LAMC3: variants seen among roughly 807,000 people sequenced by gnomAD.
LAMC3 encodes the protein laminin subunit gamma-3.
Under a neutral mutation model 173.8 loss-of-function variants are expected in LAMC3, and 128 were observed. The observed-to-expected ratio is 0.74, with a 90% CI of 0.64 to 0.85. The LOEUF (loss-of-function observed/expected upper bound fraction) is 0.85, where lower values mean the gene tolerates loss of function less well. Among genes scored for constraint, LAMC3 ranks in the 40% least tolerant of loss-of-function variants. The pLI is 0.00. For missense variants in LAMC3, 2,022 were observed against 2,156.0 expected (o/e 0.94, Z 1.23); for synonymous variants, 897 against 909.1 (o/e 0.99, Z 0.24).
In LAMC3 at chr9:131,085,665, C is replaced by T; in HGVS notation, c.4172C>T (p.Ser1391Phe). 1 of 1,614,186 alleles carries T rather than the reference C, an allele frequency of 6.2e-7. No homozygotes were observed. Among genetic ancestry groups the T allele is most frequent in the South Asian group, 1.1e-5 (1 of 91,080 alleles). ...ATGCTGGGAAACGCGGCCCCTCTTT[C>T]CTCCAGTGCCAAGAAGAAGGGCAGA... ...ERMLGNAAPL[S>F]SSAKKKGREA... The change falls in exon 25 of 28, where the codon TCC becomes TTC. Residue 1391 changes from serine (S) to phenylalanine (F), a missense_variant. Coordinates refer to ENST00000361069, the MANE Select transcript of LAMC3 (RefSeq NM_006059.4).
intron 22 of LAMC3, among the ~76,000 whole-genome samples, chr9:131,077,911 T>C (rs1264196550): frequency 6.6e-6 from 1 of 152,104 alleles, no homozygotes; most frequent in Non-Finnish European, 1.5e-5. Flanking sequence ...ACATTAGCAG[T>C]GTCATCAGAT....
At chr9:131,052,790 C>T (rs77304377) in intron 10 of LAMC3, 60 bp from the exon 11 acceptor site, 2 of 1,297,798 alleles carry the variant, frequency 1.5e-6, no homozygotes, top group South Asian at 2.4e-5. Context: ...CCCCCCATCC[C>T]CAGGCATGGT....
rs371247790 is a variant in LAMC3 at position 131,032,109 on chromosome 9, T to C, written c.743T>C (p.Ile248Thr). 1.9e-6 allele frequency: 3 copies of C among 1,613,786 alleles called. No individual in the cohort carries two copies. Among genetic ancestry groups the C allele is most frequent in the African/African-American group, 2.7e-5 (2 of 74,832 alleles). ...LDRLNTFGDD[I>T]FKDPKVLQSY... ...CGGCTCAACACGTTTGGGGACGACA[T>C]CTTCAAGGACCCCAAGGTGCTCCAG... The change falls in exon 3 of 28, where the codon ATC becomes ACC. Residue 248 changes from isoleucine (I) to threonine (T), a missense_variant. Physicochemically the swap from Ile to Thr is moderately conservative, Grantham distance 89. Coordinates refer to ENST00000361069, the MANE Select transcript of LAMC3 (RefSeq NM_006059.4).
rs1439284027 is a variant in LAMC3, at chr9:131,009,276, GC to G, written c.63del (p.Met22TrpfsTer103). 2.9e-6 allele frequency: 4 copies of G among 1,369,460 alleles called. No homozygotes were observed. Among genetic ancestry groups the G allele is most frequent in the Non-Finnish European group, 3.8e-6 (4 of 1,066,298 alleles). The allele number at this position is 1,369,460 out of a possible 1,614,324, so 84.8% of individuals were successfully genotyped here. On this transcript the variant is annotated frameshift_variant, in exon 1 of 28. Transcript: ENST00000361069. LOFTEE classifies it high-confidence loss of function. The surrounding 1 kb of genome is among the most constrained non-coding windows in gnomAD (Gnocchi z 4.3). ...ALLAPRAAGA[G>X]MGACYDGAGR... The stretch of plus-strand genomic sequence containing the variant: ...CTGGCACCGCGGGCGGCCGGCGCGG[GC>G]ATGGGCGCGTGCTATGACGGCGCAG...
chr9:131,032,556 CGCTCTCTCTCTT>C lies in LAMC3; in HGVS notation c.809+392_809+403del, dbSNP rs1260779991. Reference sequence around the variant, plus strand: ...GCTGTCTCTCTCTCTTGCTCTCTCTCGCTCTCTCTCTTGCTCTCTCTCGCTTGCTCTCTTTCT... The same window carrying C: ...GCTGTCTCTCTCTCTTGCTCTCTCTCGCTCTCTCTCGCTTGCTCTCTTTCT... On this transcript the variant is annotated intron_variant, in intron 3 of 27. Transcript: ENST00000361069. Among the ~76,000 whole-genome samples, 265 of 123,932 alleles carry C rather than the reference CGCTCTCTCTCTT, an allele frequency of 2.1e-3. 3 individuals carry two copies. Among genetic ancestry groups the C allele is most frequent in the African/African-American group, 0.014 (259 of 19,046 alleles). The allele number at this position is 123,932 out of a possible 152,430, so 81.3% of individuals were successfully genotyped here.
rs1029909610 is a variant in LAMC3 at position 131,087,724 on chromosome 9, G to C, written c.4384G>C (p.Ala1462Pro). Reference protein sequence around the residue: ...QELEEAERVGAGLSEMEQQIR... With the variant: ...QELEEAERVGPGLSEMEQQIR... Reference sequence around the variant, plus strand: ...TTCCTCCTCCCCCTGAAAGGTGGGTGCTGGGCTGAGCGAGATGGAGCAGCA... The same window carrying C: ...TTCCTCCTCCCCCTGAAAGGTGGGTCCTGGGCTGAGCGAGATGGAGCAGCA... The change falls in exon 27 of 28, where the codon GCT becomes CCT. Residue 1462 changes from alanine to proline, a missense_variant. Coordinates refer to ENST00000361069, the MANE Select transcript of LAMC3 (RefSeq NM_006059.4). The C allele has an allele frequency of 3.7e-6, 6 of 1,614,132 alleles. No individual in the cohort carries two copies. Among genetic ancestry groups the C allele is most frequent in the Non-Finnish European group, 5.1e-6 (6 of 1,179,988 alleles).
intron 4 of LAMC3, among the ~76,000 whole-genome samples, chr9:131,038,621 G>A (rs1053370311): frequency 2.0e-5 from 3 of 152,148 alleles, no homozygotes; most frequent in African/African-American, 7.2e-5. Flanking sequence ...TCTTCTTTCT[G>A]CCTGTTGTTT....
At position 131,033,860 on chromosome 9, in the gene LAMC3, G is replaced by A. The variant is rs190762296; in HGVS notation, c.809+1685G>A. Among the ~76,000 whole-genome samples the A allele has an allele frequency of 8.5e-5, 13 of 152,218 alleles. No individual in the cohort carries two copies. In the East Asian group the frequency reaches 1.7e-3, roughly 20 times the overall value. On this transcript the variant is annotated intron_variant, in intron 3 of 27. Coordinates refer to ENST00000361069, the MANE Select transcript of LAMC3 (RefSeq NM_006059.4). Reference sequence around the variant, plus strand: ...CTCTGGGCCTCCACAGTTCAGAGGCGCTTGGGTGGCATTAGAGAGATGGAG... The same window carrying A: ...CTCTGGGCCTCCACAGTTCAGAGGCACTTGGGTGGCATTAGAGAGATGGAG...
At chr9:131,073,354 G>A (rs1245407318) in intron 20 of LAMC3, 33 bp downstream of exon 20, 2 of 1,545,800 alleles carry the variant, frequency 1.3e-6, no homozygotes, top group Non-Finnish European at 1.8e-6. Flanking sequence ...CTTACACCTG[G>A]CCCTTCTCCT....
chr9:131,076,070 G>T, intron 21 of LAMC3, 105 bp downstream of exon 21: 2 of 1,181,924 alleles, frequency 1.7e-6, no homozygotes, highest in South Asian at 3.1e-5. Context: ...CTTGAGTCCT[G>T]ACGTTCTTTG....
rs1452705103 is a variant in LAMC3, at chr9:131,058,262, C to A, written c.2158+1115C>A. Among the ~76,000 whole-genome samples, 3 of 152,190 alleles carry A rather than the reference C, an allele frequency of 2.0e-5. No individual in the cohort carries two copies. In the East Asian group the frequency reaches 5.8e-4, roughly 30 times the overall value. ...TCCTGTGTAGCTGGGATTACAGACGCCTGTCACCATCCTCGGCTAATTTTT... is the reference window on the plus strand; with the variant it reads ...TCCTGTGTAGCTGGGATTACAGACGACTGTCACCATCCTCGGCTAATTTTT... On this transcript the variant is annotated intron_variant, in intron 12 of 27. Transcript: ENST00000361069.
intron 2 of LAMC3, among the ~76,000 whole-genome samples, chr9:131,027,674 C>T (rs763170289): frequency 6.6e-6 from 1 of 152,122 alleles, no homozygotes; most frequent in Non-Finnish European, 1.5e-5. Context: ...CACATGTGGC[C>T]AGTGGCTGCC....
At chr9:131,086,064 C>G (rs961980131) in intron 25 of LAMC3, among the ~76,000 whole-genome samples, 11 of 152,074 alleles carry the variant, frequency 7.2e-5, no homozygotes, top group Admixed American at 7.2e-4. Context: ...ATTTTACCTG[C>G]CTTTTTGTTT....
intron 26 of LAMC3, 29 bp downstream of exon 26, chr9:131,087,651 G>T (rs371956188): frequency 1.2e-6 from 2 of 1,613,666 alleles, no homozygotes; most frequent in Non-Finnish European, 1.7e-6. Context: ...CTACCCTATC[G>T]CCTCCTGCCC....
intron 1 of LAMC3, chr9:131,021,127 A>G (rs1833616551): frequency 6.6e-6 from 1 of 152,178 alleles, no homozygotes; most frequent in South Asian, 2.1e-4. Context: ...ACTGCTTACA[A>G]GGTTATTCTT....
intron 3 of LAMC3, among the ~76,000 whole-genome samples, chr9:131,034,168 G>A (rs1301476468): frequency 6.6e-6 from 1 of 152,176 alleles, no homozygotes; most frequent in African/African-American, 2.4e-5. Flanking sequence ...GGGGACAGGT[G>A]GCCCCAACAG....
chr9:131,046,923 G>A (rs1834175791), intron 8 of LAMC3, among the ~76,000 whole-genome samples: 1 of 152,144 alleles, frequency 6.6e-6, no homozygotes, highest in Non-Finnish European at 1.5e-5. Context: ...GCTGGAAGCC[G>A]CGCAGAAAGC....
intron 13 of LAMC3, among the ~76,000 whole-genome samples, chr9:131,064,446 A>G (rs1336990702): frequency 2.6e-5 from 4 of 151,854 alleles, no homozygotes; most frequent in South Asian, 2.1e-4. Flanking sequence ...GGCAGATCAC[A>G]AGGTCAGGAG....
At chr9:131,075,157 A>C (rs11244273) in intron 20 of LAMC3, among the ~76,000 whole-genome samples, 49,995 of 151,954 alleles carry the variant, frequency 0.33, 8,455 homozygotes, top group Non-Finnish European at 0.37. Flanking sequence ...AGTCCTAGCT[A>C]CTTGGAAGGC....
Sources: gnomAD v4.1 joint callset for allele counts (sites outside exome capture counted in the v4.1 genomes callset) on GRCh38, gnomAD v4.1.1 for gene constraint, Gnocchi (gnomAD v3.1) non-coding constraint, MANE v1.5 for transcripts, NCBI Gene and HGNC (gene_info 2026-07-23, HGNC 2026-07-21) for gene names.